The following SGCD variants were observed in gnomAD, a reference collection of about 807,000 sequenced individuals.
SGCD encodes delta-sarcoglycan.
Under a neutral mutation model 36.6 loss-of-function variants are expected in SGCD, and 18 were observed. That is an observed-to-expected ratio of 0.49 (90% CI 0.34 to 0.73). The LOEUF is 0.73. SGCD is among the 30% of genes least tolerant of loss of function. SGCD has a pLI of 0.01. For synonymous variants in SGCD, 133 were observed against 130.6 expected, an observed-to-expected ratio of 1.02 and a Z score of -0.12; for missense variants, 387 against 346.7, an observed-to-expected ratio of 1.12 and a Z score of -0.92.
chr5:156,178,820 C>G (rs1203330692), intron 3 of SGCD, among the ~76,000 whole-genome samples: 7 of 152,170 alleles, frequency 4.6e-5, no homozygotes, highest in Non-Finnish European at 1.0e-4. Flanking sequence ...CCTGCCTCAG[C>G]CTCAGAAAGT....
chr5:156,132,797 T>TA (rs1359199597), intron 3 of SGCD, among the ~76,000 whole-genome samples: 2 of 152,176 alleles, frequency 1.3e-5, no homozygotes, highest in Non-Finnish European at 2.9e-5. Context: ...GTCCTTCTCT[T>TA]ACAACTTTCT....
chr5:156,166,628 C>T lies in SGCD; in HGVS notation c.-44+42609C>T, dbSNP rs575933326. Among the ~76,000 whole-genome samples the T allele has an allele frequency of 2.6e-5, 4 of 152,290 alleles. 1 individual carries two copies. The East Asian group carries it at 7.7e-4, about 29-fold the overall frequency. ...AGCCACCGTGCCCAGCCCTCCATAA[C>T]CATTTTTGAGCAGAGCTTTGTCATA... On this transcript the variant is annotated intron_variant, in intron 3 of 9. Transcript: ENST00000517913.
At chr5:156,135,114 A>G (rs928554226) in intron 3 of SGCD, among the ~76,000 whole-genome samples, 1 of 152,170 alleles carries the variant, frequency 6.6e-6, no homozygotes, top group African/African-American at 2.4e-5. Flanking sequence ...ATAGATATGG[A>G]TGGGTGGATA....
intron 3 of SGCD, among the ~76,000 whole-genome samples, chr5:156,137,269 C>G (rs1431900057): frequency 6.6e-6 from 1 of 152,180 alleles, no homozygotes; most frequent in East Asian, 1.9e-4. Context: ...TTGAAGAAAG[C>G]CAGCCAGTGC....
chr5:156,705,692 T>C (rs1014634686), intron 7 of SGCD, among the ~76,000 whole-genome samples: 1 of 152,170 alleles, frequency 6.6e-6, no homozygotes, highest in Non-Finnish European at 1.5e-5. Context: ...ATCTTGGATA[T>C]TGGTGATAAG....
At chr5:156,513,923 T>A (rs1002207406) in intron 4 of SGCD, among the ~76,000 whole-genome samples, 1 of 152,224 alleles carries the variant, frequency 6.6e-6, no homozygotes, top group Non-Finnish European at 1.5e-5. Context: ...ACATGCTAAA[T>A]TAAGCATTCA....
At chr5:156,434,532 G>C (rs1384130234) in intron 3 of SGCD, among the ~76,000 whole-genome samples, 2 of 152,116 alleles carry the variant, frequency 1.3e-5, no homozygotes, top group African/African-American at 4.8e-5. Flanking sequence ...TCAAATAAAG[G>C]TATTTGCTGC....
intron 1 of SGCD, among the ~76,000 whole-genome samples, chr5:155,965,124 A>C (rs1198205657): frequency 6.6e-6 from 1 of 152,118 alleles, no homozygotes; most frequent in South Asian, 2.1e-4. Flanking sequence ...TATTAGGTGC[A>C]TCTCTGCCCT....
chr5:156,098,528 A>G (rs879438125), intron 1 of SGCD, among the ~76,000 whole-genome samples: 1 of 152,122 alleles, frequency 6.6e-6, no homozygotes, highest in Non-Finnish European at 1.5e-5. Flanking sequence ...TAGTTTATAT[A>G]GAGTATTACA....
At chr5:155,957,131 T>C (rs1757678582) in intron 1 of SGCD, among the ~76,000 whole-genome samples, 1 of 151,934 alleles carries the variant, frequency 6.6e-6, no homozygotes, top group South Asian at 2.1e-4. Flanking sequence ...TTGATGAAGA[T>C]CTGAAGGAGA....
Position 156,504,198 on chromosome 5 carries a change from GCT to G in SGCD, c.193-4400_193-4399del, listed in dbSNP as rs201955973. On this transcript the variant is annotated intron_variant, in intron 3 of 8. Coordinates refer to ENST00000337851, the MANE Select transcript of SGCD (RefSeq NM_000337.6). ...CAGCCTGGGTGACAAGAGCAAAAAA[GCT>G]CTGTCTCAAAAAAAAAAAAAAATTA... Among the ~76,000 whole-genome samples, 1,140 of 146,676 alleles carry G rather than the reference GCT, an allele frequency of 7.8e-3. 24 individuals are homozygous for G. The highest frequency in any genetic ancestry group is 0.026 in the African/African-American group (1,027 of 39,398).
Position 156,764,017 on chromosome 5 carries a change from A to G in SGCD, c.*4627A>G, listed in dbSNP as rs1432813881. The G allele has an allele frequency of 6.6e-6, 1 of 152,152 alleles. No homozygotes were observed. The highest frequency in any genetic ancestry group is 2.4e-5 in the African/African-American group (1 of 41,436). 9.4% of individuals were successfully genotyped at this position (152,152 alleles called of 1,614,324 possible). A position where few individuals can be genotyped will look rare whatever the true frequency, so the allele number is the denominator to read the frequency against. The stretch of plus-strand genomic sequence containing the variant: ...TTCAAGGCTCTATGAAAGGTCAAAA[A>G]TTTCATTAAACAAGACCAGTTCTCC... On this transcript the variant is annotated 3_prime_UTR_variant, in exon 9 of 9. Transcript: ENST00000337851.
At chr5:155,792,233 C>T in the SGCD span, among the ~76,000 whole-genome samples, 1 of 152,020 alleles carries the variant, frequency 6.6e-6, no homozygotes, top group Non-Finnish European at 1.5e-5. Context: ...CCTTACCTTT[C>T]ACCATATATA....
At chr5:156,480,841 G>A (rs1755391281) in intron 3 of SGCD, among the ~76,000 whole-genome samples, 1 of 152,146 alleles carries the variant, frequency 6.6e-6, no homozygotes. Context: ...TGGGTCTTAA[G>A]ATGTCCATTA....
the SGCD span, among the ~76,000 whole-genome samples, chr5:155,832,774 TTTTAA>T: frequency 2.6e-5 from 4 of 152,166 alleles, no homozygotes. Context: ...GAATTATAGA[TTTTAA>T]AAATAATATT....
chr5:156,567,458 G>T (rs1253466101), intron 4 of SGCD, among the ~76,000 whole-genome samples: 1 of 152,078 alleles, frequency 6.6e-6, no homozygotes, highest in Non-Finnish European at 1.5e-5. Flanking sequence ...ATGGAGGCTG[G>T]CAAGTTCAAG....
At chr5:156,332,112 G>GT (rs1213912887) in intron 2 of SGCD, among the ~76,000 whole-genome samples, 1 of 152,128 alleles carries the variant, frequency 6.6e-6, no homozygotes, top group Non-Finnish European at 1.5e-5. Context: ...TTTTTACCAG[G>GT]TAGTGAGAAA....
intron 3 of SGCD, among the ~76,000 whole-genome samples, chr5:156,427,347 G>A (rs1031983193): frequency 1.3e-5 from 2 of 151,824 alleles, no homozygotes; most frequent in African/African-American, 2.4e-5. Context: ...CAGCTTTGTC[G>A]TTGTTGGTGT....
At chr5:156,438,270 G>A (rs533949778) in intron 3 of SGCD, among the ~76,000 whole-genome samples, 4 of 152,176 alleles carry the variant, frequency 2.6e-5, no homozygotes, top group South Asian at 2.1e-4. Flanking sequence ...CTTTTCTGGC[G>A]GTTTTGACCA....
Sources: allele counts gnomAD v4.1 joint callset (sites outside exome capture counted in the v4.1 genomes callset), GRCh38; gene constraint gnomAD v4.1.1; transcripts MANE v1.5; gene names NCBI Gene and HGNC (gene_info 2026-07-23, HGNC 2026-07-21).